Variants in ZCCHC14 observed in about 807,000 individuals in gnomAD.
ZCCHC14 encodes the protein zinc finger CCHC domain-containing protein 14.
Under a neutral mutation model 85.0 loss-of-function variants are expected in ZCCHC14, and 16 were observed. The observed-to-expected ratio is 0.19, with a 90% confidence interval of 0.13 to 0.29. ZCCHC14 has a LOEUF of 0.29. Ranked by LOEUF, ZCCHC14 falls within the 10% of genes least tolerant of loss-of-function variation. ZCCHC14 has a pLI of 1.00. For missense variants in ZCCHC14, 1,303 were observed against 1,443.5 expected (o/e 0.90, Z 1.58); for synonymous variants, 775 against 630.7 (o/e 1.23, Z -3.43).
Position 87,460,075 on chromosome 16 carries a change from G to C in ZCCHC14, c.627C>G (p.Ala209=), listed in dbSNP as rs1411031236. 1 of 1,614,118 alleles carries C rather than the reference G, an allele frequency of 6.2e-7. No individual in the cohort carries two copies. The highest frequency in any genetic ancestry group is 1.1e-5 in the South Asian group (1 of 91,080). ...VSSVSNSLEN[A]LHTSAHSTEE... ...CCGTGGAATGTGCTGATGTGTGCAG[G>C]GCATTCTCCAAACTATTACTGACAC... The change falls in exon 2 of 13, where the codon GCC becomes GCG. Residue 209 remains alanine, a synonymous_variant. Coordinates refer to ENST00000671377, the MANE Select transcript of ZCCHC14 (RefSeq NM_015144.3).
intron 4 of ZCCHC14, among the ~76,000 whole-genome samples, chr16:87,422,563 A>C (rs1909156497): frequency 6.9e-6 from 1 of 145,316 alleles, no homozygotes; most frequent in African/African-American, 2.8e-5. Flanking sequence ...TCTCTACTAA[A>C]AATTAAAAAA....
At chr16:87,410,366 T>C in intron 12 of ZCCHC14, 31 bp from the exon 13 acceptor site, 1 of 767,876 alleles carries the variant, frequency 1.3e-6, no homozygotes, top group Non-Finnish European at 2.4e-6. Flanking sequence ...AGGTCAAATT[T>C]GAATGACTGT....
chr16:87,480,825 T>C (rs1031028628), intron 1 of ZCCHC14, among the ~76,000 whole-genome samples: 12 of 152,116 alleles, frequency 7.9e-5, no homozygotes, highest in African/African-American at 2.9e-4. Context: ...GAACCAATAA[T>C]GCGTATAGGG....
intron 1 of ZCCHC14, among the ~76,000 whole-genome samples, chr16:87,466,051 C>G (rs1911504573): frequency 6.6e-6 from 1 of 152,182 alleles, no homozygotes. Context: ...GGGTGAGGAG[C>G]TACGCCTGCA....
At chr16:87,442,606 T>C (rs1038746915) in intron 2 of ZCCHC14, among the ~76,000 whole-genome samples, 2 of 152,098 alleles carry the variant, frequency 1.3e-5, no homozygotes, top group African/African-American at 2.4e-5. Flanking sequence ...GGTGGGACAA[T>C]GGCTGAAAAA....
chr16:87,440,757 T>C (rs1430268505), intron 2 of ZCCHC14, among the ~76,000 whole-genome samples: 1 of 150,466 alleles, frequency 6.6e-6, no homozygotes, highest in Non-Finnish European at 1.5e-5. Flanking sequence ...CAGGCATGCA[T>C]CACCATGCCC....
intron 1 of ZCCHC14, among the ~76,000 whole-genome samples, chr16:87,484,084 T>C (rs1403721200): frequency 6.6e-6 from 1 of 152,224 alleles, no homozygotes; most frequent in African/African-American, 2.4e-5. Context: ...AGGTATCTAC[T>C]TGTAAATACA....
chr16:87,430,734 C>T (rs1271668055), intron 3 of ZCCHC14, among the ~76,000 whole-genome samples: 2 of 151,260 alleles, frequency 1.3e-5, no homozygotes, highest in Non-Finnish European at 2.9e-5. Context: ...GTTGGCTAGG[C>T]TGGTCTTGAA....
At chr16:87,433,471 G>A (rs552913434) in intron 2 of ZCCHC14, among the ~76,000 whole-genome samples, 2 of 152,294 alleles carry the variant, frequency 1.3e-5, no homozygotes, top group South Asian at 4.1e-4. Flanking sequence ...ACAGACACAC[G>A]TTTATGGACC....
intron 2 of ZCCHC14, among the ~76,000 whole-genome samples, chr16:87,446,167 CAAA>C (rs567505964): frequency 5.5e-5 from 3 of 54,158 alleles, no homozygotes; most frequent in Non-Finnish European, 7.7e-5. Flanking sequence ...AACTCCGTCT[CAAA>C]AAAAAAAAAA....
At chr16:87,489,560 A>C (rs1464005284) in intron 1 of ZCCHC14, among the ~76,000 whole-genome samples, 1 of 152,172 alleles carries the variant, frequency 6.6e-6, no homozygotes, top group Non-Finnish European at 1.5e-5. Context: ...TCCTCAACAC[A>C]AGCCTGTGAG....
chr16:87,464,440 G>T (rs566233314), intron 1 of ZCCHC14, among the ~76,000 whole-genome samples: 2 of 152,078 alleles, frequency 1.3e-5, no homozygotes, highest in Admixed American at 6.6e-5. Flanking sequence ...CCCATCATCC[G>T]GTCCAATCCC....
rs576370600 is a variant in ZCCHC14 at position 87,409,692 on chromosome 16, A to G, written c.*588T>C. The G allele has an allele frequency of 6.5e-6, 1 of 152,810 alleles. No individual in the cohort carries two copies. The highest frequency in any genetic ancestry group is 1.9e-4 in the East Asian group (1 of 5,184). The allele number at this position is 152,810 out of a possible 1,614,324, so 9.5% of individuals were successfully genotyped here. On this transcript the variant is annotated 3_prime_UTR_variant, in exon 13 of 13. Transcript: ENST00000671377. ...CTCTGCTGGTGCTGACTCTTTCAAT[A>G]TGGATTATTGGAGTCTCTTGCACTG... is the stretch of plus-strand genomic sequence containing the variant.
At chr16:87,449,025 T>C (rs754312381) in intron 2 of ZCCHC14, among the ~76,000 whole-genome samples, 1 of 152,204 alleles carries the variant, frequency 6.6e-6, no homozygotes, top group Non-Finnish European at 1.5e-5. Flanking sequence ...CATGTGCCCT[T>C]GGTCCCCAGT....
chr16:87,482,173 CAG>C (rs1912310585), intron 1 of ZCCHC14, among the ~76,000 whole-genome samples: 1 of 152,176 alleles, frequency 6.6e-6, no homozygotes, highest in Non-Finnish European at 1.5e-5. Context: ...GGTTGGAAGA[CAG>C]AAACCTGCCT....
At chr16:87,411,389 G>T in intron 12 of ZCCHC14, 127 bp downstream of exon 12, 1 of 1,515,210 alleles carries the variant, frequency 6.6e-7, no homozygotes. Flanking sequence ...ATTTCCACGC[G>T]CTTTCAAAGA....
intron 2 of ZCCHC14, among the ~76,000 whole-genome samples, chr16:87,458,982 T>C (rs1421037432): frequency 1.3e-5 from 2 of 152,126 alleles, no homozygotes; most frequent in East Asian, 1.9e-4. Context: ...CTGGTCCATC[T>C]AGTCCTACAA....
At chr16:87,476,911 G>A (rs1443467534) in intron 1 of ZCCHC14, among the ~76,000 whole-genome samples, 1 of 151,912 alleles carries the variant, frequency 6.6e-6, no homozygotes, top group Admixed American at 6.6e-5. Context: ...CAGATCACAA[G>A]GTAAGGAGTT....
At chr16:87,446,983 G>C (rs138665568) in intron 2 of ZCCHC14, among the ~76,000 whole-genome samples, 341 of 152,142 alleles carry the variant, frequency 2.2e-3, no homozygotes, top group African/African-American at 7.8e-3. Context: ...CACCGTGCCC[G>C]GCCAGCAAAC....
Sources: allele counts gnomAD v4.1 joint callset (sites outside exome capture counted in the v4.1 genomes callset), GRCh38; gene constraint gnomAD v4.1.1; transcripts MANE v1.5; gene names NCBI Gene and HGNC (gene_info 2026-07-23, HGNC 2026-07-21).